TIMD4: variants seen among roughly 807,000 people sequenced by gnomAD.
TIMD4 encodes the protein T-cell immunoglobulin and mucin domain-containing protein 4.
A neutral mutation model predicts 41.2 loss-of-function variants in TIMD4; 31 were observed. That is an observed-to-expected ratio of 0.75 (90% CI 0.57 to 1.01). TIMD4 has a LOEUF of 1.01. TIMD4 is among the 50% of genes least tolerant of loss of function. The pLI, the probability that TIMD4 is intolerant of heterozygous loss-of-function variation, is 0.00. For synonymous variants in TIMD4, 204 were observed against 177.1 expected, an observed-to-expected ratio of 1.15 and a Z score of -1.21; for missense variants, 479 against 472.5, an observed-to-expected ratio of 1.01 and a Z score of -0.13.
chr5:156,932,411 G>A (rs369688418), intron 5 of TIMD4, among the ~76,000 whole-genome samples: 3 of 152,132 alleles, frequency 2.0e-5, no homozygotes, highest in African/African-American at 7.2e-5. Flanking sequence ...AGCCAAAAAA[G>A]GACACCCTCC....
At chr5:156,961,302 C>T (rs1291546149) in intron 1 of TIMD4, among the ~76,000 whole-genome samples, 1 of 152,134 alleles carries the variant, frequency 6.6e-6, no homozygotes, top group African/African-American at 2.4e-5. Flanking sequence ...TTACTACAGC[C>T]ATTATGGGAA....
chr5:156,949,096 ACC>A (rs1759801751), intron 4 of TIMD4, among the ~76,000 whole-genome samples: 1 of 152,094 alleles, frequency 6.6e-6, no homozygotes, highest in Non-Finnish European at 1.5e-5. Context: ...CCTCTCTAGC[ACC>A]CCAATCGTGA....
intron 5 of TIMD4, among the ~76,000 whole-genome samples, chr5:156,927,331 G>A (rs952773237): frequency 2.0e-5 from 3 of 152,214 alleles, no homozygotes; most frequent in African/African-American, 7.2e-5. Flanking sequence ...TGGCAACGGT[G>A]TTTCAGGTGG....
intron 5 of TIMD4, among the ~76,000 whole-genome samples, chr5:156,930,002 G>A (rs376638230): frequency 2.0e-5 from 3 of 152,170 alleles, no homozygotes; most frequent in African/African-American, 4.8e-5. Context: ...ACAGAGTCTC[G>A]CTCGGTCACC....
intron 5 of TIMD4, among the ~76,000 whole-genome samples, chr5:156,932,576 C>T (rs1489123464): frequency 6.6e-6 from 1 of 152,144 alleles, no homozygotes; most frequent in Non-Finnish European, 1.5e-5. Context: ...GTGTCAGTTT[C>T]CTGGATTGGA....
intron 1 of TIMD4, among the ~76,000 whole-genome samples, chr5:156,961,720 G>A (rs60436028): frequency 0.014 from 1,973 of 142,350 alleles, 56 homozygotes; most frequent in African/African-American, 0.054. Context: ...GGAGAATGGC[G>A]TGGACCCAGG....
At chr5:156,954,874 C>T in intron 1 of TIMD4, 118 bp from the exon 2 acceptor site, 2 of 867,706 alleles carry the variant, frequency 2.3e-6, no homozygotes, top group African/African-American at 3.4e-5. Context: ...GTCTATGTTT[C>T]TTTTCTTTCC....
At position 156,955,914 on chromosome 5, in the gene TIMD4, G is replaced by A. The variant is rs917308993; in HGVS notation, c.59-1158C>T. Among the ~76,000 whole-genome samples, 5 of 152,148 alleles carry A rather than the reference G, an allele frequency of 3.3e-5. 1 individual carries two copies. Among genetic ancestry groups the A allele is most frequent in the Admixed American group, 1.3e-4 (2 of 15,274 alleles). ...TGATGTTCTGATATACATATACATC[G>A]TAGAAAGATTCAATCAAGCTAATTA... On this transcript the variant is annotated intron_variant, in intron 1 of 8. Transcript: ENST00000274532.
At chr5:156,956,128 A>G (rs900664430) in intron 1 of TIMD4, among the ~76,000 whole-genome samples, 3 of 152,072 alleles carry the variant, frequency 2.0e-5, no homozygotes, top group Non-Finnish European at 2.9e-5. Context: ...CCCTTTCACT[A>G]TCCCACCCAC....
chr5:156,959,939 A>G (rs1179056833), intron 1 of TIMD4, among the ~76,000 whole-genome samples: 1 of 152,088 alleles, frequency 6.6e-6, no homozygotes, highest in Non-Finnish European at 1.5e-5. Context: ...GCTACTTGGG[A>G]GGCTGGGGCA....
intron 5 of TIMD4, chr5:156,935,447 G>T (rs905384820): frequency 5.3e-5 from 8 of 152,156 alleles, no homozygotes; most frequent in African/African-American, 1.9e-4. Context: ...ACACTTAAAT[G>T]AATATATACA....
At chr5:156,929,574 A>G (rs1238089923) in intron 5 of TIMD4, among the ~76,000 whole-genome samples, 4 of 151,688 alleles carry the variant, frequency 2.6e-5, no homozygotes, top group Admixed American at 6.6e-5. Flanking sequence ...GACGAGAGAG[A>G]TGGGAGTGAT....
intron 5 of TIMD4, among the ~76,000 whole-genome samples, chr5:156,942,469 C>G (rs1759667130): frequency 6.6e-6 from 1 of 152,192 alleles, no homozygotes; most frequent in Non-Finnish European, 1.5e-5. Context: ...CCCCCTACAT[C>G]CCCTGGAAGT....
rs774551313 is a variant in TIMD4, at chr5:156,922,125, G to T, written c.986C>A (p.Ala329Glu). ...TCTCAGGAGAAACGCCACAAACAAT[G>T]CGAAGAGCACAAATCCCAAGGAGGG... The part of the protein sequence containing the change: ...IAPSLGFVLF[A>E]LFVAFLLRGK... The change falls in exon 7 of 9, where the codon GCA (alanine) becomes GAA (glutamate). Residue 329 changes from alanine to glutamate, a missense_variant. Transcript: ENST00000274532. The T allele has an allele frequency of 8.1e-6, 13 of 1,613,814 alleles. No homozygotes were observed. Among genetic ancestry groups the T allele is most frequent in the Non-Finnish European group, 1.0e-5 (12 of 1,179,920 alleles).
intron 5 of TIMD4, among the ~76,000 whole-genome samples, chr5:156,939,977 G>C (rs10067649): frequency 1.7e-4 from 26 of 152,148 alleles, no homozygotes; most frequent in Non-Finnish European, 3.4e-4. Flanking sequence ...CGTCGTCTCC[G>C]TCTCCCGCTT....
chr5:156,925,200 C>G (rs1350636244), intron 6 of TIMD4, among the ~76,000 whole-genome samples: 1 of 152,204 alleles, frequency 6.6e-6, no homozygotes, highest in Non-Finnish European at 1.5e-5. Context: ...ATCCCAGCTA[C>G]TCAGGAGGCT....
chr5:156,925,254 G>A (rs1212426728), intron 6 of TIMD4, among the ~76,000 whole-genome samples: 1 of 152,238 alleles, frequency 6.6e-6, no homozygotes, highest in African/African-American at 2.4e-5. Context: ...AGGTTGCGGT[G>A]AGTCAAGATT....
At chr5:156,950,500 T>C (rs1038945344) in intron 3 of TIMD4, among the ~76,000 whole-genome samples, 1 of 152,228 alleles carries the variant, frequency 6.6e-6, no homozygotes, top group Non-Finnish European at 1.5e-5. Context: ...TTTGTAAAGC[T>C]ATTGGAATTT....
In TIMD4 at chr5:156,951,717, T is replaced by G; in HGVS notation, c.474A>C (p.Arg158=). The G allele has an allele frequency of 1.9e-6, 3 of 1,614,126 alleles. No individual in the cohort carries two copies. In the South Asian group the frequency reaches 3.3e-5, roughly 18 times the overall value. The part of the protein sequence containing the change: ...RTTTTSPTTT[R]QMTTTPAALP... ...GTGCAGCTGGGGTTGTTGTCATTTG[T>G]CGGGTGGTGGTGGGGCTTGTTGTTG... The change falls in exon 3 of 9, where the codon CGA becomes CGC. Residue 158 remains arginine (R), a synonymous_variant. Transcript: ENST00000274532.
Sources: gnomAD v4.1 joint callset for allele counts (sites outside exome capture counted in the v4.1 genomes callset) on GRCh38, gnomAD v4.1.1 for gene constraint, MANE v1.5 for transcripts, NCBI Gene and HGNC (gene_info 2026-07-23, HGNC 2026-07-21) for gene names.